The following STARD13 variants were observed in gnomAD, a reference collection of about 807,000 sequenced individuals.
The protein encoded by STARD13 is stAR-related lipid transfer protein 13.
In STARD13, 62 loss-of-function variants were observed where a neutral mutation model predicts 106.4. The observed-to-expected ratio is 0.58, with a 90% CI of 0.48 to 0.72. The LOEUF (loss-of-function observed/expected upper bound fraction) is 0.72, where lower values mean the gene tolerates loss of function less well. Ranked by LOEUF, STARD13 falls within the 30% of genes least tolerant of loss-of-function variation. The pLI is 0.00. For missense variants in STARD13, 1,387 were observed against 1,424.0 expected (o/e 0.97, Z 0.42); for synonymous variants, 565 against 553.0 (o/e 1.02, Z -0.31).
intron 1 of STARD13, among the ~76,000 whole-genome samples, chr13:33,174,623 T>G (rs930095898): frequency 1.3e-5 from 2 of 152,198 alleles, no homozygotes; most frequent in Non-Finnish European, 2.9e-5. Flanking sequence ...GCTGCTGACA[T>G]GTAATATAAG....
chr13:33,145,034 A>G (rs1415869685), intron 3 of STARD13, among the ~76,000 whole-genome samples: 2 of 152,226 alleles, frequency 1.3e-5, no homozygotes, highest in African/African-American at 4.8e-5. Flanking sequence ...ATTTGACTTT[A>G]TAGCTCTGGG....
the STARD13 span, among the ~76,000 whole-genome samples, chr13:33,563,744 A>C: frequency 1.4e-5 from 2 of 147,870 alleles, no homozygotes; most frequent in African/African-American, 5.0e-5. Flanking sequence ...ATCCAGCCTA[A>C]AAGCTTTTGC....
intron 1 of STARD13, among the ~76,000 whole-genome samples, chr13:33,308,885 T>C (rs1478983697): frequency 6.6e-6 from 1 of 152,194 alleles, no homozygotes; most frequent in Non-Finnish European, 1.5e-5. Flanking sequence ...GGAATACCCA[T>C]TTCCTCCCAT....
At chr13:33,626,986 A>G in the STARD13 span, among the ~76,000 whole-genome samples, 26 of 152,266 alleles carry the variant, frequency 1.7e-4, no homozygotes, top group African/African-American at 6.0e-4. Flanking sequence ...TAGTATAGTT[A>G]CAAAATTGGT....
intron 4 of STARD13, among the ~76,000 whole-genome samples, chr13:33,135,159 A>G (rs1205695096): frequency 6.6e-6 from 1 of 152,228 alleles, no homozygotes; most frequent in Non-Finnish European, 1.5e-5. Flanking sequence ...TGGACAATTG[A>G]AAGAACTAAT....
intron 5 of STARD13, among the ~76,000 whole-genome samples, chr13:33,128,225 A>G (rs976284637): frequency 1.3e-5 from 2 of 151,904 alleles, no homozygotes; most frequent in African/African-American, 4.9e-5. Context: ...AGAGAGAGGG[A>G]GAGAGCTGTC....
chr13:33,304,420 A>G (rs766158470), intron 1 of STARD13, among the ~76,000 whole-genome samples: 1 of 152,178 alleles, frequency 6.6e-6, no homozygotes, highest in Non-Finnish European at 1.5e-5. Flanking sequence ...AATTTCATAT[A>G]ATTAAATTTT....
chr13:33,389,289 C>A, the STARD13 span, among the ~76,000 whole-genome samples: 1 of 151,968 alleles, frequency 6.6e-6, no homozygotes, highest in African/African-American at 2.4e-5. Flanking sequence ...TAAGACAACA[C>A]CCAGTACATA....
At chr13:33,459,594 C>T in the STARD13 span, among the ~76,000 whole-genome samples, 6 of 152,230 alleles carry the variant, frequency 3.9e-5, no homozygotes, top group African/African-American at 1.2e-4. Context: ...TAGATATTTT[C>T]TTCTTTTTCT....
At chr13:33,280,766 TTAAGG>T (rs1891736034) in intron 1 of STARD13, 1 of 152,218 alleles carries the variant, frequency 6.6e-6, no homozygotes, top group South Asian at 2.1e-4. Context: ...TGCTTTTGTC[TTAAGG>T]TAATACTTGT....
the STARD13 span, among the ~76,000 whole-genome samples, chr13:33,374,204 T>C: frequency 2.0e-5 from 3 of 152,180 alleles, no homozygotes; most frequent in Non-Finnish European, 2.9e-5. Flanking sequence ...AAATAATACA[T>C]GATTCCACTT....
intron 1 of STARD13, among the ~76,000 whole-genome samples, chr13:33,320,459 G>GC (rs1893515235): frequency 6.6e-6 from 1 of 152,182 alleles, no homozygotes; most frequent in Non-Finnish European, 1.5e-5. Context: ...TAGCTATGTA[G>GC]TATGTATTAT....
the STARD13 span, among the ~76,000 whole-genome samples, chr13:33,625,025 C>T: frequency 1.3e-5 from 2 of 152,218 alleles, no homozygotes; most frequent in African/African-American, 4.8e-5. Context: ...GAGTCCCTCC[C>T]ACATGCCATC....
At chr13:33,474,441 AG>A in the STARD13 span, among the ~76,000 whole-genome samples, 5 of 152,318 alleles carry the variant, frequency 3.3e-5, no homozygotes, top group African/African-American at 4.8e-5. Context: ...CTGAGGTAAA[AG>A]CTAGTGGATC....
chr13:33,650,186 T>G, the STARD13 span, among the ~76,000 whole-genome samples: 11 of 96,106 alleles, frequency 1.1e-4, 1 homozygote, highest in East Asian at 1.9e-3. Context: ...TTTTTTTTTT[T>G]TTTTTTTTTT....
the STARD13 span, among the ~76,000 whole-genome samples, chr13:33,660,852 G>T: frequency 3.3e-5 from 5 of 152,162 alleles, no homozygotes; most frequent in Admixed American, 6.5e-5. Flanking sequence ...CCAACGTGCT[G>T]GGATTCTAGA....
At chr13:33,135,108 A>C (rs1215889258) in intron 4 of STARD13, among the ~76,000 whole-genome samples, 1 of 152,244 alleles carries the variant, frequency 6.6e-6, no homozygotes, top group Admixed American at 6.5e-5. Flanking sequence ...GAGAAGAGTA[A>C]TCAGAATGGC....
At chr13:33,224,997 T>G (rs1888548247) in intron 1 of STARD13, among the ~76,000 whole-genome samples, 1 of 152,210 alleles carries the variant, frequency 6.6e-6, no homozygotes. Context: ...GGATTTTGTG[T>G]GTGTGTGTGT....
intron 1 of STARD13, chr13:33,276,258 G>GTTAA (rs1404802018): frequency 6.6e-6 from 1 of 152,178 alleles, no homozygotes; most frequent in African/African-American, 2.4e-5. Flanking sequence ...TTAAGAACCT[G>GTTAA]TTAAACATAA....
Sources: gnomAD v4.1 joint callset for allele counts (sites outside exome capture counted in the v4.1 genomes callset) on GRCh38, gnomAD v4.1.1 for gene constraint, MANE v1.5 for transcripts, NCBI Gene and HGNC (gene_info 2026-07-23, HGNC 2026-07-21) for gene names.